Variants in GRAMD1A observed in about 807,000 individuals in gnomAD.
GRAMD1A encodes GRAM domain containing 1A, also known as protein Aster-A.
Under a neutral mutation model 92.0 loss-of-function variants are expected in GRAMD1A, and 50 were observed. That is an observed-to-expected ratio of 0.54 (90% confidence interval 0.43 to 0.69). The LOEUF (loss-of-function observed/expected upper bound fraction) is 0.69. Ranked by LOEUF, GRAMD1A falls within the 30% of genes least tolerant of loss-of-function variation. The pLI, the probability that GRAMD1A is intolerant of heterozygous loss-of-function variation, is 0.00. For synonymous variants in GRAMD1A, 405 were observed against 403.6 expected (o/e 1.00, Z -0.04); for missense variants, 819 against 978.9 (o/e 0.84, Z 2.18).
At chr19:34,996,319 G>A (rs116367632), upstream of GRAMD1A, 2,511 of 1,475,678 alleles carry the variant, frequency 1.7e-3, 35 homozygotes, top group African/African-American at 0.03. Context: ...GGACAGGAAA[G>A]AGGGTCTCTC....
chr19:35,019,871 A>G (rs924329114), intron 13 of GRAMD1A, among the ~76,000 whole-genome samples: 2 of 152,228 alleles, frequency 1.3e-5, no homozygotes, highest in African/African-American at 2.4e-5. Context: ...AGTTAGGCCT[A>G]TGGAGAAAAA....
At chr19:35,010,061 G>T (rs1304238903) in intron 4 of GRAMD1A, 31 bp from the exon 5 acceptor site, 1 of 1,545,000 alleles carries the variant, frequency 6.5e-7, no homozygotes, top group South Asian at 1.1e-5. Flanking sequence ...CGTGACTTGG[G>T]TGTCCTCCTG....
At chr19:35,009,750 G>A (rs1320299349) in intron 3 of GRAMD1A, 138 bp from the exon 4 acceptor site, 6 of 695,428 alleles carry the variant, frequency 8.6e-6, no homozygotes, top group Non-Finnish European at 1.6e-5. Context: ...AATGGCAGCT[G>A]TCATTGTGGC....
chr19:35,022,792 G>A, intron 16 of GRAMD1A, 108 bp from the exon 17 acceptor site: 1 of 1,080,452 alleles, frequency 9.3e-7, no homozygotes, highest in Admixed American at 2.3e-5. Context: ...CAGTGAGGGG[G>A]CGTGGTGCTC....
chr19:35,024,390 C>G (rs912979402), intron 19 of GRAMD1A, among the ~76,000 whole-genome samples: 3 of 151,752 alleles, frequency 2.0e-5, no homozygotes, highest in Non-Finnish European at 4.4e-5. Flanking sequence ...CCTCAGGCCC[C>G]AGTAGACTCA....
chr19:35,013,742 G>A lies in GRAMD1A; in HGVS notation c.870+51G>A, dbSNP rs1459265949. ...GGGATACTGATAGGAAGAGAGAGGA[G>A]GGCTGGGGGTGCAGTGGGAGAAGAA... On this transcript the variant is annotated intron_variant, in intron 9 of 19. Transcript: ENST00000317991. The surrounding 1 kb of genome is among the most constrained non-coding windows in gnomAD (Gnocchi z 4.9). 11 of 1,535,694 alleles carry A rather than the reference G, an allele frequency of 7.2e-6. No individual in the cohort carries two copies. Among genetic ancestry groups the A allele is most frequent in the Non-Finnish European group, 8.9e-6 (10 of 1,125,948 alleles).
In GRAMD1A at chr19:35,021,072, C is replaced by T. The variant is rs756380550; in HGVS notation, c.1476-430C>T. On this transcript the variant is annotated intron_variant, in intron 13 of 19. Transcript: ENST00000317991. The surrounding 1 kb of genome is among the most constrained non-coding windows in gnomAD (Gnocchi z 5.3). ...ACTACAACTTCGGAGCTGCCCTTGACCCAGATGGGGGCGGCAGGGAGGAAT... is the reference window on the plus strand; with the variant it reads ...ACTACAACTTCGGAGCTGCCCTTGATCCAGATGGGGGCGGCAGGGAGGAAT... Among the ~76,000 whole-genome samples the T allele has an allele frequency of 6.6e-6, 1 of 152,176 alleles. No homozygotes were observed. Among genetic ancestry groups the T allele is most frequent in the Non-Finnish European group, 1.5e-5 (1 of 68,038 alleles).
upstream of GRAMD1A, among the ~76,000 whole-genome samples, chr19:34,995,571 GTTTTTTT>G (rs59556577): frequency 6.4e-5 from 6 of 93,652 alleles, no homozygotes; most frequent in Admixed American, 6.5e-4. Flanking sequence ...CAGATCACGG[GTTTTTTT>G]TTTTTTTTTT....
chr19:34,995,550 T>C (rs1001615282), upstream of GRAMD1A, among the ~76,000 whole-genome samples: 2 of 146,762 alleles, frequency 1.4e-5, no homozygotes, highest in African/African-American at 2.6e-5. Context: ...CACCCAGATC[T>C]CTCTGACTCT....
upstream of GRAMD1A, chr19:34,996,083 G>A: frequency 6.5e-7 from 1 of 1,535,958 alleles, no homozygotes; most frequent in Non-Finnish European, 8.7e-7. Flanking sequence ...CAGTCCCCAG[G>A]GCTCGCCTGA....
chr19:35,014,381 G>C lies in GRAMD1A; in HGVS notation c.1063G>C (p.Glu355Gln). Residue 355 changes from glutamate to glutamine, a missense_variant, in exon 10 of 20, where the codon GAG becomes CAG. Glu to Gln is a conservative substitution (Grantham distance 29). Transcript: ENST00000317991. ...AAGTAACTCCTCTTCATCCACTGGGGAGGAAGGTGAGGCAGGCGGGCCCAA... is the reference window on the plus strand; with the variant it reads ...AAGTAACTCCTCTTCATCCACTGGGCAGGAAGGTGAGGCAGGCGGGCCCAA... ...DTSNSSSSTGEEADLAALLPD... is the reference protein window; with the variant it reads ...DTSNSSSSTGQEADLAALLPD... 1 of 1,613,926 alleles carries C rather than the reference G, an allele frequency of 6.2e-7. No homozygotes were observed. The highest frequency in any genetic ancestry group is 1.3e-5 in the African/African-American group (1 of 75,040).
chr19:35,010,412 T>TC lies in GRAMD1A; in HGVS notation c.525+38dup, dbSNP rs771153960. 2.1e-6 allele frequency: 3 copies of TC among 1,436,212 alleles called. No homozygotes were observed. The South Asian group carries it at 3.4e-5, about 16-fold the overall frequency. The allele number at this position is 1,436,212 out of a possible 1,614,324, so 89.0% of individuals were successfully genotyped here. A position where few individuals can be genotyped will look rare whatever the true frequency, so the allele number is the denominator to read the frequency against. On this transcript the variant is annotated intron_variant, in intron 6 of 19. Coordinates refer to ENST00000317991, the MANE Select transcript of GRAMD1A (RefSeq NM_020895.5). ...AGGACCCGGTGACGGGACCACGCGGTCCCCCGCTCAGCAGGCCGCCTCCCC... is the reference window on the plus strand; with the variant it reads ...AGGACCCGGTGACGGGACCACGCGGTCCCCCCGCTCAGCAGGCCGCCTCCCC...
In GRAMD1A at chr19:35,010,430, G is replaced by A. The variant is rs192598874; in HGVS notation, c.525+51G>A. 1.1e-4 allele frequency: 138 copies of A among 1,208,624 alleles called. No individual in the cohort carries two copies. The African/African-American group carries it at 1.5e-3, about 13-fold the overall frequency. The allele number at this position is 1,208,624 out of a possible 1,614,324, so 74.9% of individuals were successfully genotyped here. On this transcript the variant is annotated intron_variant, in intron 6 of 19. Transcript: ENST00000317991. ...CACGCGGTCCCCCGCTCAGCAGGCC[G>A]CCTCCCCCAAACATGCAAAGCCCCA...
Position 35,021,584 on chromosome 19 carries a change from G to C in GRAMD1A, c.1558G>C (p.Glu520Gln). ...TGAGAAGAACTCGTGGAGCGGCATT[G>C]AAGACTATTTCCACCATCTGGGTAG... ...LIEKNSWSGI[E>Q]DYFHHLEREL... Residue 520 changes from glutamate (E) to glutamine (Q), a missense_variant, in exon 14 of 20, where the codon GAA (glutamate) becomes CAA (glutamine). Glu to Gln is a conservative substitution (Grantham distance 29, BLOSUM62 2). Transcript: ENST00000317991. This position sits in a 1 kb window ranked among gnomAD's most constrained non-coding sequence, Gnocchi z 5.3. The C allele has an allele frequency of 6.2e-7, 1 of 1,614,128 alleles. No individual in the cohort carries two copies. Among genetic ancestry groups the C allele is most frequent in the Non-Finnish European group, 8.5e-7 (1 of 1,179,940 alleles).
Position 35,019,109 on chromosome 19 carries a change from C to A in GRAMD1A, c.1214-82C>A, listed in dbSNP as rs1451875257. 1.7e-5 allele frequency: 15 copies of A among 886,940 alleles called. No individual in the cohort carries two copies. In the East Asian group the frequency reaches 2.9e-4, roughly 17 times the overall value. 54.9% of individuals were successfully genotyped at this position (886,940 alleles called of 1,614,324 possible). ...GGATTGGGACAGGTCCCCAGAGAGA[C>A]CTCCCAGAAGGCTGAGTCTCCTGTG... On this transcript the variant is annotated intron_variant, in intron 11 of 19. Transcript: ENST00000317991.
chr19:35,005,825 C>T, intron 1 of GRAMD1A: 1 of 455,914 alleles, frequency 2.2e-6, no homozygotes, highest in Non-Finnish European at 4.4e-6. Flanking sequence ...GCCCAGGGGA[C>T]TGTGGGGTCA....
Position 35,022,801 on chromosome 19 carries a change from T to C in GRAMD1A, c.1842-99T>C, listed in dbSNP as rs370676724. 139 of 1,260,442 alleles carry C rather than the reference T, an allele frequency of 1.1e-4. 1 individual carries two copies. The African/African-American group carries it at 2.0e-3, about 18-fold the overall frequency. The allele number at this position is 1,260,442 out of a possible 1,614,324, so 78.1% of individuals were successfully genotyped here. On this transcript the variant is annotated intron_variant, in intron 16 of 19. Transcript: ENST00000317991. Reference sequence around the variant, plus strand: ...CTCATCCAGTGAGGGGGCGTGGTGCTCTCAGCCAAGAGCTGCCCCGGGTGA... The same window carrying C: ...CTCATCCAGTGAGGGGGCGTGGTGCCCTCAGCCAAGAGCTGCCCCGGGTGA...
chr19:35,018,491 C>A (rs1439234975), intron 11 of GRAMD1A, among the ~76,000 whole-genome samples: 1 of 152,180 alleles, frequency 6.6e-6, no homozygotes, highest in Non-Finnish European at 1.5e-5. Flanking sequence ...TTGGGGATTA[C>A]AATTCAACAT....
chr19:34,998,497 G>C (rs2014136854), upstream of GRAMD1A: 1 of 151,580 alleles, frequency 6.6e-6, no homozygotes, highest in Non-Finnish European at 1.5e-5. Flanking sequence ...ATAGAGATGG[G>C]GTTTCACTCT....
Sources: allele counts gnomAD v4.1 joint callset (sites outside exome capture counted in the v4.1 genomes callset), GRCh38; gene constraint gnomAD v4.1.1; non-coding constraint Gnocchi (gnomAD v3.1); transcripts MANE v1.5; gene names NCBI Gene and HGNC (gene_info 2026-07-23, HGNC 2026-07-21).